The following SYDE2 variants were observed in gnomAD, a reference collection of about 807,000 sequenced individuals.
SYDE2 encodes rho GTPase-activating protein SYDE2.
Under a neutral mutation model 91.5 loss-of-function variants are expected in SYDE2, and 76 were observed. The ratio of observed to expected loss-of-function variants is 0.83; its 90% CI spans 0.69 to 1.01. SYDE2 has a LOEUF of 1.01. Ranked by LOEUF, SYDE2 falls within the 50% of genes least tolerant of loss-of-function variation. The probability of loss-of-function intolerance (pLI) is 0.00; values close to 1 mark genes in which losing one functional copy is unlikely to be tolerated. For synonymous variants in SYDE2, 513 were observed against 506.4 expected (o/e 1.01, Z -0.18); for missense variants, 1,364 against 1,367.7 (o/e 1.00, Z 0.04).
In SYDE2 at chr1:85,200,336, C is replaced by T. The variant is rs1658767388; in HGVS notation, c.661G>A (p.Ala221Thr). 9 of 1,613,904 alleles carry T rather than the reference C, an allele frequency of 5.6e-6. No individual in the cohort carries two copies. The highest frequency in any genetic ancestry group is 5.9e-6 in the Non-Finnish European group (7 of 1,179,910). The change falls in exon 1 of 7, where the codon GCA becomes ACA. Residue 221 changes from alanine to threonine, a missense_variant. Coordinates refer to ENST00000341460, the MANE Select transcript of SYDE2 (RefSeq NM_032184.2). ...GTAPKVTGTQ[A>T]ASPNVGALKV... ...AAAGCGCCCACATTTGGGGAGGCTG[C>T]CTGCGTTCCTGTGACTTTGGGAGCC...
chr1:85,186,422 G>C (rs958839274), intron 2 of SYDE2, among the ~76,000 whole-genome samples: 1 of 152,076 alleles, frequency 6.6e-6, no homozygotes, highest in African/African-American at 2.4e-5. Flanking sequence ...AATCCATCGT[G>C]AAAATGGCCA....
At chr1:85,200,180 T>C in intron 1 of SYDE2, 72 bp downstream of exon 1, 4 of 1,604,238 alleles carry the variant, frequency 2.5e-6, no homozygotes, top group Non-Finnish European at 2.5e-6. Flanking sequence ...TTTTCTTGGC[T>C]CTTAAGACAG....
rs1349575339 is a variant in SYDE2, at chr1:85,190,528, G to A, written c.970C>T (p.His324Tyr). 1 of 1,613,980 alleles carries A rather than the reference G, an allele frequency of 6.2e-7. No individual in the cohort carries two copies. Among genetic ancestry groups the A allele is most frequent in the Non-Finnish European group, 8.5e-7 (1 of 1,179,850 alleles). Residue 324 changes from histidine to tyrosine, a missense_variant, in exon 2 of 7, where the codon CAT (histidine) becomes TAT (tyrosine). His to Tyr is a moderately conservative substitution (Grantham distance 83, BLOSUM62 2). Coordinates refer to ENST00000341460, the MANE Select transcript of SYDE2 (RefSeq NM_032184.2). Reference protein sequence around the residue: ...LSISPVSLPKHQLSQSFLKSS... With the variant: ...LSISPVSLPKYQLSQSFLKSS... ...TTGAGGAAAGACTGTGATAGCTGAT[G>A]TTTAGGTAGAGACACAGGTGAGATG...
Position 85,159,791 on chromosome 1 carries a change from A to T in SYDE2, c.3086-542T>A, listed in dbSNP as rs1321093426. Reference sequence around the variant, plus strand: ...GCAGATCAAATTTCACTTTGATAAAATGTACAAATACTAGATTTGACCACT... The same window carrying T: ...GCAGATCAAATTTCACTTTGATAAATTGTACAAATACTAGATTTGACCACT... On this transcript the variant is annotated intron_variant, in intron 6 of 6. Transcript: ENST00000341460. The T allele has an allele frequency of 5.4e-6, 5 of 921,558 alleles. No homozygotes were observed. The East Asian group carries it at 5.9e-4, about 108-fold the overall frequency. 57.1% of individuals were successfully genotyped at this position (921,558 alleles called of 1,614,324 possible).
chr1:85,176,686 A>G (rs1158855967), intron 4 of SYDE2, among the ~76,000 whole-genome samples: 1 of 152,190 alleles, frequency 6.6e-6, no homozygotes, highest in Non-Finnish European at 1.5e-5. Context: ...CTACCAAAAT[A>G]CACAGAAGAT....
Position 85,190,232 on chromosome 1 carries a change from T to C in SYDE2, c.1266A>G (p.Ser422=). 6.2e-7 allele frequency: 1 copy of C among 1,613,992 alleles called. No homozygotes were observed. The highest frequency in any genetic ancestry group is 1.1e-5 in the South Asian group (1 of 91,082). Residue 422 remains serine, a synonymous_variant, in exon 2 of 7, where the codon TCA becomes TCG. Coordinates refer to ENST00000341460, the MANE Select transcript of SYDE2 (RefSeq NM_032184.2). ...CACCTGCATGTTCGGAAGAGCACAG[T>C]GAGTCTTCAGTATGCCGCTCTGCTT... ...LMKAERHTED[S]LCSSEHAGDI... is the part of the protein sequence containing the mutation.
intron 2 of SYDE2, among the ~76,000 whole-genome samples, chr1:85,186,277 C>G (rs1000618614): frequency 5.1e-4 from 77 of 152,108 alleles, no homozygotes; most frequent in African/African-American, 1.7e-3. Context: ...TGTGTCTCTG[C>G]CTGGCTTTGG....
At chr1:85,184,941 T>C (rs1188961334) in intron 2 of SYDE2, among the ~76,000 whole-genome samples, 3 of 151,690 alleles carry the variant, frequency 2.0e-5, no homozygotes, top group Non-Finnish European at 2.9e-5. Flanking sequence ...CAAGTCATAA[T>C]TGCATTAGGA....
At chr1:85,155,751 T>C (rs939843715), downstream of SYDE2, among the ~76,000 whole-genome samples, 13 of 152,192 alleles carry the variant, frequency 8.5e-5, no homozygotes, top group African/African-American at 3.1e-4. Flanking sequence ...TGCTAGTTAC[T>C]GATTTGCAGT....
intron 6 of SYDE2, among the ~76,000 whole-genome samples, chr1:85,163,441 TAA>T (rs1491376210): frequency 3.1e-5 from 2 of 65,570 alleles, no homozygotes; most frequent in Non-Finnish European, 6.7e-5. Context: ...TCTTGTACTT[TAA>T]TCTATATATA....
intron 1 of SYDE2, chr1:85,194,935 C>A (rs953518735): frequency 1.1e-5 from 6 of 523,378 alleles, no homozygotes; most frequent in African/African-American, 6.2e-5. Context: ...CCAAGGCGGG[C>A]GGATCACGAG....
At position 85,190,750 on chromosome 1, in the gene SYDE2, A is replaced by C. The variant is rs1658335396; in HGVS notation, c.748T>G (p.Leu250Val). 1 of 1,588,874 alleles carries C rather than the reference A, an allele frequency of 6.3e-7. No homozygotes were observed. Among genetic ancestry groups the C allele is most frequent in the African/African-American group, 1.4e-5 (1 of 73,660 alleles). The stretch of plus-strand genomic sequence containing the variant: ...GAAGACCCATAGGCATTTTCAAATA[A>C]ATCTGTTGCAAAGATAGAATAGAAG... Reference protein sequence around the residue: ...PPDQRITLTDLFENAYGSSMK... With the variant: ...PPDQRITLTDVFENAYGSSMK... Residue 250 changes from leucine (L) to valine (V), a missense_variant and splice_region_variant, in exon 2 of 7, where the codon TTA (leucine) becomes GTA (valine). By Grantham distance (32) the Leu-to-Val change is conservative. Coordinates refer to ENST00000341460, the MANE Select transcript of SYDE2 (RefSeq NM_032184.2).
chr1:85,165,381 C>T (rs1657227574), intron 5 of SYDE2, among the ~76,000 whole-genome samples: 1 of 152,148 alleles, frequency 6.6e-6, no homozygotes. Flanking sequence ...AACATGGCAA[C>T]AGCAAAGGCT....
intron 2 of SYDE2, among the ~76,000 whole-genome samples, chr1:85,189,219 A>G (rs1459733015): frequency 6.6e-6 from 1 of 152,222 alleles, no homozygotes; most frequent in African/African-American, 2.4e-5. Flanking sequence ...CCTAATCTAC[A>G]TAAAACTTCA....
chr1:85,182,943 G>C lies in SYDE2; in HGVS notation c.1699C>G (p.Arg567Gly). ...AGAATATCAGTATGATGAACTTCTC[G>C]GCAGTTATATTTAGACAAAGAAGGA... ...NTPSLSKYNC[R>G]EVHHTDILPS... is the part of the protein sequence containing the mutation. The change falls in exon 3 of 7, where the codon CGA becomes GGA. Residue 567 changes from arginine (R) to glycine (G), a missense_variant. By Grantham distance (125) the Arg-to-Gly change is moderately radical. Transcript: ENST00000341460. 1.2e-6 allele frequency: 2 copies of C among 1,613,692 alleles called. No homozygotes were observed. Among genetic ancestry groups the C allele is most frequent in the South Asian group, 2.2e-5 (2 of 91,054 alleles).
Position 85,164,877 on chromosome 1 carries a change from T to C in SYDE2, c.2854-120A>G, listed in dbSNP as rs779272036. 143 of 573,764 alleles carry C rather than the reference T, an allele frequency of 2.5e-4. 1 individual carries two copies. Among genetic ancestry groups the C allele is most frequent in the Non-Finnish European group, 3.1e-4 (114 of 370,318 alleles). 35.5% of individuals were successfully genotyped at this position (573,764 alleles called of 1,614,324 possible). ...TTTAAAAGGATTTTTTTTAAAGATT[T>C]GCGTATAAATTGGATGTTTGGAACC... On this transcript the variant is annotated intron_variant, in intron 5 of 6. Transcript: ENST00000341460.
chr1:85,163,297 G>A (rs1157369618), intron 6 of SYDE2, among the ~76,000 whole-genome samples: 5 of 150,914 alleles, frequency 3.3e-5, no homozygotes, highest in Non-Finnish European at 7.4e-5. Context: ...TAATGGAGGC[G>A]GGGTTTCACT....
chr1:85,161,104 A>C, intron 6 of SYDE2: 2 of 985,384 alleles, frequency 2.0e-6, no homozygotes, highest in Non-Finnish European at 2.4e-6. Flanking sequence ...ATCACTGTTG[A>C]CTACCCACCT....
Position 85,182,787 on chromosome 1 carries a change from C to T in SYDE2, c.1855G>A (p.Gly619Ser). Residue 619 changes from glycine (G) to serine (S), a missense_variant, in exon 3 of 7, where the codon GGT becomes AGT. Physicochemically the swap from Gly to Ser is moderately conservative, Grantham distance 56. Transcript: ENST00000341460. ...GGTGAGTCTCCATCACTAAGGTAACCACCTTTGCAGGAATACTTAGAACTC... is the reference window on the plus strand; with the variant it reads ...GGTGAGTCTCCATCACTAAGGTAACTACCTTTGCAGGAATACTTAGAACTC... ...SMSSKYSCKGGYLSDGDSPEL... is the reference protein window; with the variant it reads ...SMSSKYSCKGSYLSDGDSPEL... 2 of 1,613,918 alleles carry T rather than the reference C, an allele frequency of 1.2e-6. No homozygotes were observed. The highest frequency in any genetic ancestry group is 2.2e-5 in the South Asian group (2 of 91,074).
Sources: allele counts gnomAD v4.1 joint callset (sites outside exome capture counted in the v4.1 genomes callset), GRCh38; gene constraint gnomAD v4.1.1; transcripts MANE v1.5; gene names NCBI Gene and HGNC (gene_info 2026-07-23, HGNC 2026-07-21).